Variants in ACTR3C observed in about 807,000 individuals in gnomAD.
ACTR3C encodes the protein actin related protein 3C, also known as actin-related protein 3C.
A neutral mutation model predicts 26.3 loss-of-function variants in ACTR3C; 18 were observed. The observed-to-expected ratio is 0.68, with a 90% CI of 0.47 to 1.01. ACTR3C has a LOEUF of 1.01. Among genes scored for constraint, ACTR3C ranks in the 50% least tolerant of loss-of-function variants. The probability of loss-of-function intolerance (pLI) is 0.00; values close to 1 mark genes in which losing one functional copy is unlikely to be tolerated. For synonymous variants in ACTR3C, 55 were observed against 94.5 expected (o/e 0.58, Z 2.42); for missense variants, 184 against 250.7 (o/e 0.73, Z 1.80).
the ACTR3C span, among the ~76,000 whole-genome samples, chr7:149,964,213 C>T: frequency 6.6e-6 from 1 of 152,152 alleles, no homozygotes; most frequent in South Asian, 2.1e-4. Context: ...AGGGATAAAG[C>T]CAGATAGTCA....
At chr7:149,916,105 C>T in the ACTR3C span, among the ~76,000 whole-genome samples, 2 of 94,554 alleles carry the variant, frequency 2.1e-5, no homozygotes, top group African/African-American at 6.3e-5. Context: ...GTAAATTAAT[C>T]CCTTCATTCC....
At chr7:149,941,459 T>C in the ACTR3C span, among the ~76,000 whole-genome samples, 5 of 152,130 alleles carry the variant, frequency 3.3e-5, no homozygotes, top group African/African-American at 1.2e-4. Flanking sequence ...ATTACCTCTG[T>C]GGCCTGGACC....
chr7:150,253,484 T>C (rs1341741840), intron 6 of ACTR3C, among the ~76,000 whole-genome samples: 1 of 152,162 alleles, frequency 6.6e-6, no homozygotes, highest in Non-Finnish European at 1.5e-5. Context: ...TTTAATCTGA[T>C]TGTAGTAAAG....
chr7:150,104,022 G>A, the ACTR3C span, among the ~76,000 whole-genome samples: 1 of 151,848 alleles, frequency 6.6e-6, no homozygotes, highest in Non-Finnish European at 1.5e-5. Flanking sequence ...TTATTCAAGA[G>A]GGCTGCAAAG....
At chr7:150,140,472 T>A in the ACTR3C span, among the ~76,000 whole-genome samples, 1 of 152,216 alleles carries the variant, frequency 6.6e-6, no homozygotes, top group Non-Finnish European at 1.5e-5. Context: ...GAGAACCTTT[T>A]ATGAAAGTAA....
intron 5 of ACTR3C, among the ~76,000 whole-genome samples, chr7:150,285,366 T>C (rs1310492755): frequency 6.6e-6 from 1 of 152,238 alleles, no homozygotes; most frequent in Non-Finnish European, 1.5e-5. Context: ...TGTTATTGAA[T>C]AAACAGCCAT....
rs368220538 is a variant in ACTR3C at position 150,309,633 on chromosome 7, G to A, written c.-52+13836C>T. ...CCTCATGGACCTTGATTCAAGTGCCGCAAAACTGGCCACTAGACCAAGAAA... is the reference window on the plus strand; with the variant it reads ...CCTCATGGACCTTGATTCAAGTGCCACAAAACTGGCCACTAGACCAAGAAA... On this transcript the variant is annotated intron_variant, in intron 1 of 7. Coordinates refer to ENST00000683684, the MANE Select transcript of ACTR3C (RefSeq NM_001164458.2). Among the ~76,000 whole-genome samples the A allele has an allele frequency of 1.6e-3, 238 of 152,230 alleles. 1 individual carries two copies. The highest frequency in any genetic ancestry group is 3.4e-3 in the Middle Eastern group (1 of 294).
the ACTR3C span, among the ~76,000 whole-genome samples, chr7:149,976,314 C>T: frequency 6.6e-6 from 1 of 152,124 alleles, no homozygotes; most frequent in African/African-American, 2.4e-5. Flanking sequence ...GTGGCTCAAG[C>T]CTGTAATCCC....
chr7:149,924,739 C>T, the ACTR3C span, among the ~76,000 whole-genome samples: 4 of 151,120 alleles, frequency 2.6e-5, no homozygotes, highest in African/African-American at 9.7e-5. Context: ...GAGTCTCCTG[C>T]CTCAACCTCC....
chr7:150,098,867 G>C, the ACTR3C span, among the ~76,000 whole-genome samples: 92 of 151,592 alleles, frequency 6.1e-4, 2 homozygotes, highest in African/African-American at 2.1e-3. Flanking sequence ...CACGTGGATT[G>C]CCTTCCCTCA....
chr7:150,273,351 C>T (rs2129611145), intron 6 of ACTR3C, among the ~76,000 whole-genome samples: 1 of 147,674 alleles, frequency 6.8e-6, no homozygotes, highest in South Asian at 2.2e-4. Context: ...AATCACAGCT[C>T]ACTGCAGCCT....
At chr7:150,198,686 G>C in the ACTR3C span, among the ~76,000 whole-genome samples, 5 of 136,712 alleles carry the variant, frequency 3.7e-5, no homozygotes, top group South Asian at 2.4e-4. Flanking sequence ...CTCTCCGCCC[G>C]GCAGCCACCC....
At chr7:149,956,133 G>T in the ACTR3C span, among the ~76,000 whole-genome samples, 1 of 152,178 alleles carries the variant, frequency 6.6e-6, no homozygotes, top group African/African-American at 2.4e-5. Flanking sequence ...GTTATTATTA[G>T]AAATGAGGCT....
chr7:149,996,334 G>T, the ACTR3C span, among the ~76,000 whole-genome samples: 1 of 150,240 alleles, frequency 6.7e-6, no homozygotes, highest in Non-Finnish European at 1.5e-5. Context: ...AATGAAGTGG[G>T]GCAGAGGCTT....
chr7:150,225,923 A>G, the ACTR3C span, among the ~76,000 whole-genome samples: 47 of 152,332 alleles, frequency 3.1e-4, no homozygotes, highest in South Asian at 1.9e-3. Context: ...CATTTTCAGA[A>G]TGTCATATAA....
At chr7:150,068,602 C>A in the ACTR3C span, among the ~76,000 whole-genome samples, 3 of 144,694 alleles carry the variant, frequency 2.1e-5, no homozygotes, top group African/African-American at 7.6e-5. Flanking sequence ...CACGGTGAAA[C>A]CCCGTCTCTA....
At chr7:150,038,009 C>T in the ACTR3C span, among the ~76,000 whole-genome samples, 10 of 138,028 alleles carry the variant, frequency 7.2e-5, 2 homozygotes, top group Non-Finnish European at 1.3e-4. Context: ...GGAATTGCCT[C>T]CCCCCCTGCT....
intron 1 of ACTR3C, among the ~76,000 whole-genome samples, chr7:150,300,549 G>C (rs982898186): frequency 4.0e-5 from 6 of 151,696 alleles, no homozygotes; most frequent in Admixed American, 1.3e-4. Context: ...CACTGTGTGT[G>C]CATCACTTCT....
the ACTR3C span, among the ~76,000 whole-genome samples, chr7:150,145,306 G>T: frequency 7.2e-5 from 11 of 152,140 alleles, no homozygotes; most frequent in Non-Finnish European, 1.3e-4. Flanking sequence ...TAGGTCCCCA[G>T]CTGTATAAAT....
Sources: gnomAD v4.1 joint callset for allele counts (sites outside exome capture counted in the v4.1 genomes callset) on GRCh38, gnomAD v4.1.1 for gene constraint, MANE v1.5 for transcripts, NCBI Gene and HGNC (gene_info 2026-07-23, HGNC 2026-07-21) for gene names.